The following TDRP variants were observed in gnomAD, a reference collection of about 807,000 sequenced individuals.
The protein encoded by TDRP is testis development related protein.
Under a neutral mutation model 10.5 loss-of-function variants are expected in TDRP, and 12 were observed. The observed-to-expected ratio is 1.15, with a 90% CI of 0.73 to 1.86. The LOEUF (loss-of-function observed/expected upper bound fraction) is 1.86. TDRP is among the 40% of genes most tolerant of loss of function. The pLI is 0.00. For synonymous variants in TDRP, 139 were observed against 95.4 expected (o/e 1.46, Z -2.67); for missense variants, 353 against 229.2 (o/e 1.54, Z -3.49).
upstream of TDRP, among the ~76,000 whole-genome samples, chr8:545,421 ACCCCCACTTACTCCCGGACTGCCCCCTC>A (rs1183915525): frequency 3.5e-5 from 3 of 86,634 alleles, no homozygotes; most frequent in Non-Finnish European, 4.7e-5. Flanking sequence ...TCCCCCGCCG[ACCCCCACTTACTCCCGGACTGCCCCCTC>A]CCCCCACCCT....
chr8:529,848 G>C (rs1171645107), intron 1 of TDRP, among the ~76,000 whole-genome samples: 2 of 152,034 alleles, frequency 1.3e-5, no homozygotes, highest in African/African-American at 4.8e-5. Context: ...CTCAGTGTGG[G>C]CTTCTTTACC....
chr8:521,532 A>T (rs1336042488), intron 1 of TDRP, among the ~76,000 whole-genome samples: 1 of 152,240 alleles, frequency 6.6e-6, no homozygotes. Context: ...GCCCTGTTTA[A>T]GATCATGTGA....
chr8:507,319 G>A (rs1801493823), intron 1 of TDRP, among the ~76,000 whole-genome samples: 1 of 152,092 alleles, frequency 6.6e-6, no homozygotes, highest in Non-Finnish European at 1.5e-5. Flanking sequence ...CCTAAGATTT[G>A]AGACCTGAGG....
At chr8:525,337 G>C (rs955417147) in intron 1 of TDRP, among the ~76,000 whole-genome samples, 3 of 152,250 alleles carry the variant, frequency 2.0e-5, no homozygotes, top group East Asian at 1.9e-4. Flanking sequence ...TGAAAGAAAA[G>C]GATGTTAATT....
chr8:502,510 G>T (rs112026938), intron 1 of TDRP, among the ~76,000 whole-genome samples: 97 of 152,338 alleles, frequency 6.4e-4, no homozygotes, highest in African/African-American at 2.3e-3. Flanking sequence ...AACACAGTCT[G>T]ACTCAAAAAA....
chr8:543,227 G>T (rs958633045), intron 1 of TDRP, among the ~76,000 whole-genome samples: 1 of 152,110 alleles, frequency 6.6e-6, no homozygotes, highest in Non-Finnish European at 1.5e-5. Context: ...GAGGAGAATA[G>T]CTTGAGCCCA....
intron 1 of TDRP, among the ~76,000 whole-genome samples, chr8:540,317 G>C (rs112683548): frequency 1.2e-4 from 19 of 152,252 alleles, no homozygotes; most frequent in Non-Finnish European, 2.6e-4. Flanking sequence ...CACTCCATGA[G>C]ACACATATTA....
chr8:520,805 G>C (rs1349323508), intron 1 of TDRP, among the ~76,000 whole-genome samples: 1 of 152,034 alleles, frequency 6.6e-6, no homozygotes, highest in African/African-American at 2.4e-5. Context: ...GTTGTTGTTT[G>C]GTCATAGGAG....
At chr8:526,654 G>A (rs1413388431) in intron 1 of TDRP, among the ~76,000 whole-genome samples, 1 of 152,054 alleles carries the variant, frequency 6.6e-6, no homozygotes, top group Non-Finnish European at 1.5e-5. Context: ...ATTGGCCTGT[G>A]GTTTTCTCTT....
In TDRP at chr8:502,201, C is replaced by T. The variant is rs190956744; in HGVS notation, c.109-7604G>A. 2.0e-5 allele frequency among the ~76,000 whole-genome samples: 3 copies of T among 152,338 alleles called. No homozygotes were observed. The East Asian group carries it at 5.8e-4, about 29-fold the overall frequency. ...CAGAACAGCTTAGTCTTCTTTCATCCCTTCTAAATTTGGGAACTCACAGTG... is the reference window on the plus strand; with the variant it reads ...CAGAACAGCTTAGTCTTCTTTCATCTCTTCTAAATTTGGGAACTCACAGTG... On this transcript the variant is annotated intron_variant, in intron 1 of 2. Coordinates refer to ENST00000324079, the MANE Select transcript of TDRP (RefSeq NM_001384899.1).
At chr8:517,399 C>T (rs150646402) in intron 1 of TDRP, among the ~76,000 whole-genome samples, 2 of 152,172 alleles carry the variant, frequency 1.3e-5, no homozygotes, top group Non-Finnish European at 1.5e-5. Flanking sequence ...GCATCTGACA[C>T]CGTTTAAGGT....
chr8:503,491 C>A (rs558900009), intron 1 of TDRP, among the ~76,000 whole-genome samples: 20 of 137,588 alleles, frequency 1.5e-4, no homozygotes, highest in Admixed American at 1.3e-3. Context: ...CATCGGAACA[C>A]GTGCCCACCT....
Position 519,904 on chromosome 8 carries a change from G to A in TDRP, c.108+24746C>T, listed in dbSNP as rs561750460. On this transcript the variant is annotated intron_variant, in intron 1 of 2. Coordinates refer to ENST00000324079, the MANE Select transcript of TDRP (RefSeq NM_001384899.1). ...AGGTGTCTGATCCGAATCAGCATCT[G>A]GCCCCTGAAGCTTCTAAGGAAATAT... Among the ~76,000 whole-genome samples the A allele has an allele frequency of 3.9e-5, 6 of 152,166 alleles. 1 individual carries two copies. The highest frequency in any genetic ancestry group is 8.8e-5 in the Non-Finnish European group (6 of 68,028).
chr8:512,152 G>A (rs929171679), intron 1 of TDRP, among the ~76,000 whole-genome samples: 2 of 151,966 alleles, frequency 1.3e-5, no homozygotes, highest in African/African-American at 4.8e-5. Context: ...GGGGCCGGAT[G>A]CAGTGGCTCA....
chr8:505,865 C>G (rs984234456), intron 1 of TDRP, among the ~76,000 whole-genome samples: 4 of 152,148 alleles, frequency 2.6e-5, no homozygotes, highest in Non-Finnish European at 4.4e-5. Context: ...AGCACGTAGG[C>G]AGACACACAA....
chr8:514,865 C>G (rs954102880), intron 1 of TDRP, among the ~76,000 whole-genome samples: 3 of 152,096 alleles, frequency 2.0e-5, no homozygotes, highest in African/African-American at 7.2e-5. Flanking sequence ...CACCAACAGG[C>G]AGGAGAGTTT....
At chr8:544,430 A>T (rs528653881) in intron 1 of TDRP, among the ~76,000 whole-genome samples, 1 of 152,190 alleles carries the variant, frequency 6.6e-6, no homozygotes, top group South Asian at 2.1e-4. Context: ...CACGCGGACC[A>T]CAGCGGCAAC....
chr8:505,540 C>T (rs755007700), intron 1 of TDRP, among the ~76,000 whole-genome samples: 25 of 152,310 alleles, frequency 1.6e-4, no homozygotes, highest in Middle Eastern at 3.4e-3. Flanking sequence ...ATACCTCAGA[C>T]GGGAACTTAA....
chr8:539,635 C>T (rs181028960), intron 1 of TDRP, among the ~76,000 whole-genome samples: 14 of 152,270 alleles, frequency 9.2e-5, no homozygotes, highest in East Asian at 1.9e-4. Flanking sequence ...AGAGAAATAA[C>T]GGAAAACAGT....
Sources: allele counts gnomAD v4.1 joint callset (sites outside exome capture counted in the v4.1 genomes callset), GRCh38; gene constraint gnomAD v4.1.1; transcripts MANE v1.5; gene names NCBI Gene and HGNC (gene_info 2026-07-23, HGNC 2026-07-21).